CR1: variants seen among roughly 807,000 people sequenced by gnomAD.
CR1 encodes the protein complement receptor type 1.
CR1 carries 116 observed loss-of-function variants against 187.3 expected under a neutral mutation model. The ratio of observed to expected loss-of-function variants is 0.62; its 90% CI spans 0.53 to 0.72. The LOEUF is 0.72. Among genes scored for constraint, CR1 ranks in the 30% least tolerant of loss-of-function variants. The probability of loss-of-function intolerance (pLI) is 0.00; values close to 1 mark genes in which losing one functional copy is unlikely to be tolerated. For synonymous variants in CR1, 576 were observed against 747.1 expected (o/e 0.77, Z 3.73); for missense variants, 1,731 against 2,110.7 (o/e 0.82, Z 3.52).
rs1410750694 is a variant in CR1 at position 207,605,297 on chromosome 1, GA to G, written c.5811-1946del. Among the ~76,000 whole-genome samples the G allele has an allele frequency of 3.1e-4, 45 of 147,262 alleles. No individual in the cohort carries two copies. The South Asian group carries it at 3.7e-3, about 12-fold the overall frequency. ...GAAAGAAAGAAAAGAAAAAGAAAGG[GA>G]AAAAAAATTGCTAGAAGAGTAGATT... On this transcript the variant is annotated intron_variant, in intron 35 of 46. Transcript: ENST00000367049.
At position 207,587,429 on chromosome 1, in the gene CR1, G is replaced by A. The variant is rs201955068; in HGVS notation, c.5574G>A (p.Thr1858=). ...TPEQFPFASP[T]IPINDFEFPV... is the part of the protein sequence containing the mutation. The stretch of plus-strand genomic sequence containing the variant: ...AGCAGTTTCCATTTGCCAGTCCTAC[G>A]ATCCCAATTAATGACTTTGAGTTTC... The change falls in exon 34 of 47, where the codon ACG becomes ACA. Residue 1858 remains threonine (T), a synonymous_variant. Transcript: ENST00000367049. 7 of 1,613,888 alleles carry A rather than the reference G, an allele frequency of 4.3e-6. No individual in the cohort carries two copies. Among genetic ancestry groups the A allele is most frequent in the East Asian group, 2.2e-5 (1 of 44,876 alleles).
intron 27 of CR1, among the ~76,000 whole-genome samples, chr1:207,573,372 A>C (rs934435886): frequency 4.6e-5 from 7 of 152,168 alleles, no homozygotes; most frequent in Admixed American, 6.5e-5. Flanking sequence ...AATAAATCCG[A>C]TGTCTCCTTT....
Position 207,511,651 on chromosome 1 carries a change from G to A in CR1, c.484G>A (p.Asp162Asn). 1 of 1,611,888 alleles carries A rather than the reference G, an allele frequency of 6.2e-7. No individual in the cohort carries two copies. Among genetic ancestry groups the A allele is most frequent in the South Asian group, 1.1e-5 (1 of 91,002 alleles). ...TTGGGATAATGAAACACCTATTTGT[G>A]ACAGTGAGTTGAAATATCCCTTCCT... ...VIWDNETPIC[D>N]RIPCGLPPTI... The change falls in exon 4 of 47, where the codon GAC becomes AAC. Residue 162 changes from aspartate to asparagine, a missense_variant. Around this residue, in one of 5 missense-constraint regions of CR1, gnomAD observed 237 missense variants for 240.4 expected, o/e 0.99. Coordinates refer to ENST00000367049, the MANE Select transcript of CR1 (RefSeq NM_000651.6).
At chr1:207,617,612 TAGAGAG>T (rs1156448710) in intron 41 of CR1, among the ~76,000 whole-genome samples, 262 of 21,862 alleles carry the variant, frequency 0.012, no homozygotes, top group Non-Finnish European at 0.015. Context: ...TATATATATA[TAGAGAG>T]AGAGAGAGAG....
intron 34 of CR1, 30 bp downstream of exon 34, chr1:207,587,595 AT>A: frequency 6.2e-7 from 1 of 1,601,440 alleles, no homozygotes; most frequent in Non-Finnish European, 8.5e-7. Flanking sequence ...GAACTACTTC[AT>A]GTCTGTTAAA....
At chr1:207,584,943 G>A (rs1421314817) in intron 33 of CR1, 67 bp downstream of exon 33, 22 of 1,588,580 alleles carry the variant, frequency 1.4e-5, no homozygotes, top group Non-Finnish European at 1.6e-5. Context: ...TCATGTTTCT[G>A]TAATAAGACT....
intron 1 of CR1, among the ~76,000 whole-genome samples, chr1:207,498,827 G>C (rs1234557813): frequency 2.4e-5 from 3 of 123,832 alleles, no homozygotes; most frequent in Non-Finnish European, 4.7e-5. Context: ...GCAGTGAGTC[G>C]AGATCGTGCC....
At position 207,614,393 on chromosome 1, in the gene CR1, T is replaced by C; in HGVS notation, c.6576-11T>C. 6.2e-7 allele frequency: 1 copy of C among 1,606,454 alleles called. No individual in the cohort carries two copies. Among genetic ancestry groups the C allele is most frequent in the Non-Finnish European group, 8.5e-7 (1 of 1,174,874 alleles). On this transcript the variant is annotated splice_polypyrimidine_tract_variant and intron_variant, in intron 39 of 46. Coordinates refer to ENST00000367049, the MANE Select transcript of CR1 (RefSeq NM_000651.6). ...TGCTCACACATTTGCTACCACTTTTTTTTTCTTTAGGTTCCGATTAAAAGG... is the reference window on the plus strand; with the variant it reads ...TGCTCACACATTTGCTACCACTTTTCTTTTCTTTAGGTTCCGATTAAAAGG...
At position 207,567,924 on chromosome 1, in the gene CR1, C is replaced by G; in HGVS notation, c.4053C>G (p.Asp1351Glu). Residue 1351 changes from aspartate to glutamate, a missense_variant, in exon 25 of 47, where the codon GAC (aspartate) becomes GAG (glutamate). Coordinates refer to ENST00000367049, the MANE Select transcript of CR1 (RefSeq NM_000651.6). ...GAAAAGCAGTAAATTACACATGCGA[C>G]CCCCACCCAGACAGAGGGACGAGCT... ...PFGKAVNYTC[D>E]PHPDRGTSFD... 2 of 1,610,654 alleles carry G rather than the reference C, an allele frequency of 1.2e-6. No homozygotes were observed. Among genetic ancestry groups the G allele is most frequent in the Non-Finnish European group, 1.7e-6 (2 of 1,179,630 alleles).
At chr1:207,499,306 C>T (rs1018385015) in intron 1 of CR1, among the ~76,000 whole-genome samples, 3 of 152,058 alleles carry the variant, frequency 2.0e-5, no homozygotes, top group Non-Finnish European at 4.4e-5. Context: ...TCCAAGAAGA[C>T]GTAACAATAT....
chr1:207,506,585 G>A, intron 2 of CR1, 129 bp from the exon 3 acceptor site: 1 of 758,638 alleles, frequency 1.3e-6, no homozygotes, highest in South Asian at 1.8e-5. Context: ...CCTCAAGGTA[G>A]CAAAATCTGT....
intron 1 of CR1, among the ~76,000 whole-genome samples, chr1:207,501,358 A>G (rs2102331256): frequency 6.6e-6 from 1 of 152,340 alleles, no homozygotes; most frequent in Middle Eastern, 3.4e-3. Context: ...GTTATAAGTA[A>G]TCGAATTGTA....
At chr1:207,521,558 T>C (rs192191985) in intron 4 of CR1, among the ~76,000 whole-genome samples, 294 of 151,602 alleles carry the variant, frequency 1.9e-3, no homozygotes, top group Non-Finnish European at 3.5e-3. Context: ...CACAAATTCT[T>C]AATTTCAGCA....
chr1:207,521,807 AAT>A (rs3991753), intron 4 of CR1, among the ~76,000 whole-genome samples: 112,631 of 132,714 alleles, frequency 0.85, 49,074 homozygotes, highest in Non-Finnish European at 0.94. Flanking sequence ...ACATCTGGAT[AAT>A]ATATATATAT....
chr1:207,632,860 G>A (rs1326013478), intron 46 of CR1, among the ~76,000 whole-genome samples: 1 of 151,102 alleles, frequency 6.6e-6, no homozygotes, highest in Non-Finnish European at 1.5e-5. Flanking sequence ...TGCTTTCAGG[G>A]ATGCTTTAGA....
intron 3 of CR1, among the ~76,000 whole-genome samples, chr1:207,508,027 T>G (rs1198390184): frequency 6.6e-6 from 1 of 152,030 alleles, no homozygotes; most frequent in Non-Finnish European, 1.5e-5. Context: ...CATCACTAAG[T>G]GAAAGAAGCC....
At chr1:207,506,238 T>C (rs1283534578) in intron 2 of CR1, among the ~76,000 whole-genome samples, 155 bp downstream of exon 2, 1 of 152,248 alleles carries the variant, frequency 6.6e-6, no homozygotes, top group Non-Finnish European at 1.5e-5. Flanking sequence ...ACCTTGTTAC[T>C]GCTTTGAGTT....
chr1:207,601,595 A>T (rs1318007464), intron 35 of CR1, among the ~76,000 whole-genome samples: 5 of 152,046 alleles, frequency 3.3e-5, no homozygotes, highest in African/African-American at 9.7e-5. Context: ...TTTCTGGTTT[A>T]AAAAAAATTA....
chr1:207,506,814 G>A lies in CR1; in HGVS notation c.401+1G>A, dbSNP rs771007698. ...AAATTAAATATTCTTGTACTAAAGG[G>A]TGAGTTGGCATCTCTTGAACCAACA... On this transcript the variant is annotated splice_donor_variant, in intron 3 of 46. Coordinates refer to ENST00000367049, the MANE Select transcript of CR1 (RefSeq NM_000651.6). LOFTEE classifies it high-confidence loss of function. The A allele has an allele frequency of 1.9e-5, 31 of 1,610,084 alleles. No individual in the cohort carries two copies. Among genetic ancestry groups the A allele is most frequent in the Non-Finnish European group, 2.5e-5 (29 of 1,176,890 alleles).
Sources: allele counts gnomAD v4.1 joint callset (sites outside exome capture counted in the v4.1 genomes callset), GRCh38; gene constraint gnomAD v4.1.1; regional missense constraint gnomAD v4.1.1; transcripts MANE v1.5; gene names NCBI Gene and HGNC (gene_info 2026-07-23, HGNC 2026-07-21).